FBXO10: variants seen among roughly 807,000 people sequenced by gnomAD.
The protein encoded by FBXO10 is F-box protein 10.
In FBXO10, 39 loss-of-function variants were observed where a neutral mutation model predicts 80.7. The observed-to-expected ratio is 0.48, with a 90% CI of 0.37 to 0.63. The LOEUF (loss-of-function observed/expected upper bound fraction) is 0.63, where lower values mean the gene tolerates loss of function less well. Among genes scored for constraint, FBXO10 ranks in the 30% least tolerant of loss-of-function variants. The probability of loss-of-function intolerance (pLI) is 0.00; values close to 1 mark genes in which losing one functional copy is unlikely to be tolerated. For synonymous variants in FBXO10, 449 were observed against 489.6 expected (o/e 0.92, Z 1.09); for missense variants, 1,025 against 1,269.0 (o/e 0.81, Z 2.92).
At chr9:37,530,568 C>T (rs1287285625) in intron 4 of FBXO10, among the ~76,000 whole-genome samples, 1 of 152,236 alleles carries the variant, frequency 6.6e-6, no homozygotes, top group Non-Finnish European at 1.5e-5. Context: ...ATGGTAGAAA[C>T]ACAGTGAGGG....
At chr9:37,535,077 G>A (rs1235048140) in intron 3 of FBXO10, among the ~76,000 whole-genome samples, 1 of 152,206 alleles carries the variant, frequency 6.6e-6, no homozygotes, top group Non-Finnish European at 1.5e-5. Flanking sequence ...AGGCACAAAG[G>A]AAGATCTGAA....
intron 2 of FBXO10, 139 bp from the exon 3 acceptor site, chr9:37,538,082 T>A: frequency 1.5e-6 from 1 of 675,244 alleles, no homozygotes; most frequent in South Asian, 1.9e-5. Context: ...GGTCTGGATG[T>A]CAGCTGTCCC....
rs747890912 is a variant in FBXO10 at position 37,516,030 on chromosome 9, C to A, written c.2570G>T (p.Arg857Leu). ...GTTTTCCTGCACCAGGGCCTTGGCA[C>A]GGCCCCGCACGGCGATGCCGTAGGC... Reference protein sequence around the residue: ...FRAYGIAVRGRAKALVQENII... With the variant: ...FRAYGIAVRGLAKALVQENII... The change falls in exon 10 of 11, where the codon CGT becomes CTT. Residue 857 changes from arginine (R) to leucine (L), a missense_variant. By Grantham distance (102) the Arg-to-Leu change is moderately radical. Transcript: ENST00000432825. 4 of 1,614,000 alleles carry A rather than the reference C, an allele frequency of 2.5e-6. No homozygotes were observed. The East Asian group carries it at 6.7e-5, about 27-fold the overall frequency.
intron 1 of FBXO10, among the ~76,000 whole-genome samples, chr9:37,567,148 CTTT>C (rs111249142): frequency 7.3e-6 from 1 of 136,834 alleles, no homozygotes. Context: ...TTCTTTTTTT[CTTT>C]TTTTTTTTTG....
At chr9:37,533,001 G>T (rs1821667924) in intron 3 of FBXO10, among the ~76,000 whole-genome samples, 1 of 152,112 alleles carries the variant, frequency 6.6e-6, no homozygotes, top group Non-Finnish European at 1.5e-5. Context: ...AATCTTTCAT[G>T]GTGTATCACC....
At position 37,515,889 on chromosome 9, in the gene FBXO10, A is replaced by T; in HGVS notation, c.2696+15T>A. ...TGGCTCTAGAGGACTCGTTCAGGCA[A>T]CCCCAAGCACTCACTTTTTCTTGAA... On this transcript the variant is annotated intron_variant, in intron 10 of 10. Transcript: ENST00000432825. 1 of 1,610,928 alleles carries T rather than the reference A, an allele frequency of 6.2e-7. No homozygotes were observed. Among genetic ancestry groups the T allele is most frequent in the Non-Finnish European group, 8.5e-7 (1 of 1,178,308 alleles).
At position 37,541,295 on chromosome 9, in the gene FBXO10, C is replaced by T; in HGVS notation, c.474G>A (p.Gln158=). 2 of 1,614,008 alleles carry T rather than the reference C, an allele frequency of 1.2e-6. No individual in the cohort carries two copies. Among genetic ancestry groups the T allele is most frequent in the Non-Finnish European group, 8.5e-7 (1 of 1,179,890 alleles). ...GCAGGGCCACTTCACCCAACTTCCC[C>T]TGCCCTACAATCTCCACAGGCACCT... The part of the protein sequence containing the change: ...ILKVPVEIVG[Q]GKLGEVALLA... Residue 158 remains glutamine, a synonymous_variant, in exon 2 of 11, where the codon CAG becomes CAA. Coordinates refer to ENST00000432825, the MANE Select transcript of FBXO10 (RefSeq NM_012166.3).
chr9:37,520,046 T>A (rs1182542021), intron 8 of FBXO10, among the ~76,000 whole-genome samples: 4 of 152,048 alleles, frequency 2.6e-5, no homozygotes, highest in Non-Finnish European at 4.4e-5. Context: ...TGTTGCCTAG[T>A]CTGGTCTTGA....
chr9:37,566,103 G>A lies in FBXO10; in HGVS notation c.-7+10108C>T, dbSNP rs148268592. On this transcript the variant is annotated intron_variant, in intron 1 of 10. Coordinates refer to ENST00000432825, the MANE Select transcript of FBXO10 (RefSeq NM_012166.3). The stretch of plus-strand genomic sequence containing the variant: ...AGTCCCAGCACAAAAGGCCCTATGC[G>A]TGCTGAAATGACTCTGACAAAAGGG... 1.4e-4 allele frequency among the ~76,000 whole-genome samples: 22 copies of A among 152,220 alleles called. No individual in the cohort carries two copies. In the East Asian group the frequency reaches 3.1e-3, roughly 21 times the overall value.
At chr9:37,548,229 A>T (rs1031886316) in intron 1 of FBXO10, among the ~76,000 whole-genome samples, 9 of 151,882 alleles carry the variant, frequency 5.9e-5, no homozygotes, top group African/African-American at 1.7e-4. Flanking sequence ...TACTAAAAAT[A>T]CAAAAATTAT....
intron 1 of FBXO10, among the ~76,000 whole-genome samples, chr9:37,550,466 T>C (rs1171076712): frequency 6.7e-6 from 1 of 148,596 alleles, no homozygotes; most frequent in East Asian, 2.0e-4. Flanking sequence ...ATTACAGGCA[T>C]GAGCCACTGC....
chr9:37,535,597 A>G (rs920061953), intron 3 of FBXO10, among the ~76,000 whole-genome samples: 9 of 152,134 alleles, frequency 5.9e-5, no homozygotes, highest in African/African-American at 1.7e-4. Flanking sequence ...AGCTCAGGCA[A>G]TCTGCCCGCC....
At position 37,518,132 on chromosome 9, in the gene FBXO10, T is replaced by C. The variant is rs1821230938; in HGVS notation, c.2507A>G (p.Asp836Gly). The C allele has an allele frequency of 3.1e-6, 5 of 1,611,876 alleles. No homozygotes were observed. The South Asian group carries it at 4.4e-5, about 14-fold the overall frequency. Residue 836 changes from aspartate to glycine, a missense_variant, in exon 9 of 11, where the codon GAC (aspartate) becomes GGC (glycine). This residue lies in a region of FBXO10 where 478 missense variants were observed against 667.8 expected (regional missense o/e 0.72). Coordinates refer to ENST00000432825, the MANE Select transcript of FBXO10 (RefSeq NM_012166.3). ...GSGLQLLPRS[D>G]TKVIKNRIHS... ...ACATGCAGACATACTCACTTTAGTGTCGGACCTGGGCAGCAGCTGCAGCCC... is the reference window on the plus strand; with the variant it reads ...ACATGCAGACATACTCACTTTAGTGCCGGACCTGGGCAGCAGCTGCAGCCC...
At chr9:37,574,767 A>G (rs369192477) in intron 1 of FBXO10, among the ~76,000 whole-genome samples, 5 of 152,310 alleles carry the variant, frequency 3.3e-5, no homozygotes, top group African/African-American at 9.6e-5. Flanking sequence ...GGAGATGGAT[A>G]TATATATAAA....
chr9:37,524,302 C>T (rs1365870060), intron 6 of FBXO10, among the ~76,000 whole-genome samples: 1 of 152,226 alleles, frequency 6.6e-6, no homozygotes. Flanking sequence ...ACTTGTCACC[C>T]TCAGATGGGA....
At chr9:37,553,167 G>A (rs1015586943) in intron 1 of FBXO10, among the ~76,000 whole-genome samples, 3 of 151,862 alleles carry the variant, frequency 2.0e-5, no homozygotes, top group African/African-American at 7.2e-5. Context: ...TCAGCCTCCC[G>A]AGTAGCTGGG....
rs370466768 is a variant in FBXO10 at position 37,541,602 on chromosome 9, C to T, written c.167G>A (p.Arg56His). 20 of 1,613,526 alleles carry T rather than the reference C, an allele frequency of 1.2e-5. No individual in the cohort carries two copies. The highest frequency in any genetic ancestry group is 4.5e-5 in the East Asian group (2 of 44,870). Residue 56 changes from arginine to histidine, a missense_variant, in exon 2 of 11, where the codon CGC becomes CAC. Physicochemically the swap from Arg to His is conservative, Grantham distance 29 (BLOSUM62 0). Around this residue, in one of 3 missense-constraint regions of FBXO10, gnomAD observed 450 missense variants for 499.4 expected, o/e 0.90. Transcript: ENST00000432825. ...RQLCLGCTEC[R>H]HPNWPNQPDV... ...TGGCTGGTTGGGCCAATTGGGATGGCGGCACTCGGTGCAACCCAGACACAG... is the reference window on the plus strand; with the variant it reads ...TGGCTGGTTGGGCCAATTGGGATGGTGGCACTCGGTGCAACCCAGACACAG...
intron 8 of FBXO10, among the ~76,000 whole-genome samples, chr9:37,519,011 A>G (rs990775630): frequency 2.1e-4 from 31 of 150,632 alleles, no homozygotes; most frequent in South Asian, 4.2e-4. Context: ...CCGGGTTCAC[A>G]CCATTCTTCT....
At chr9:37,561,050 A>G (rs1822466078) in intron 1 of FBXO10, among the ~76,000 whole-genome samples, 1 of 152,038 alleles carries the variant, frequency 6.6e-6, no homozygotes, top group Non-Finnish European at 1.5e-5. Flanking sequence ...GCTGAGACAG[A>G]AGAATGGTGT....
Sources: allele counts gnomAD v4.1 joint callset (sites outside exome capture counted in the v4.1 genomes callset), GRCh38; gene constraint gnomAD v4.1.1; regional missense constraint gnomAD v4.1.1; transcripts MANE v1.5; gene names NCBI Gene and HGNC (gene_info 2026-07-23, HGNC 2026-07-21).